RIMS2: variants seen among roughly 807,000 people sequenced by gnomAD.
RIMS2 encodes the protein regulating synaptic membrane exocytosis 2, also known as regulating synaptic membrane exocytosis protein 2.
A neutral mutation model predicts 174.4 loss-of-function variants in RIMS2; 59 were observed. The ratio of observed to expected loss-of-function variants is 0.34; its 90% confidence interval spans 0.27 to 0.42. The LOEUF (loss-of-function observed/expected upper bound fraction) is 0.42, where lower values mean the gene tolerates loss of function less well. Among genes scored for constraint, RIMS2 ranks in the 10% least tolerant of loss-of-function variants. The pLI is 1.00. For missense variants in RIMS2, 1,620 were observed against 1,666.3 expected (o/e 0.97, Z 0.48); for synonymous variants, 606 against 572.5 (o/e 1.06, Z -0.84).
chr8:103,612,633 C>T (rs2095409424), intron 1 of RIMS2, among the ~76,000 whole-genome samples: 1 of 152,148 alleles, frequency 6.6e-6, no homozygotes. Context: ...GGCTGGAGTG[C>T]AATGGTGCCA....
At chr8:104,123,940 G>A (rs888898436) in intron 19 of RIMS2, among the ~76,000 whole-genome samples, 4 of 152,098 alleles carry the variant, frequency 2.6e-5, no homozygotes, top group Non-Finnish European at 5.9e-5. Context: ...TGTCTGCCAT[G>A]TGCAATAAAG....
At chr8:104,225,366 A>G (rs2099180883) in intron 19 of RIMS2, among the ~76,000 whole-genome samples, 1 of 152,154 alleles carries the variant, frequency 6.6e-6, no homozygotes, top group South Asian at 2.1e-4. Context: ...TTATTTTCTT[A>G]TATTTGGCTA....
At chr8:103,997,829 AT>A (rs1248167309) in intron 17 of RIMS2, among the ~76,000 whole-genome samples, 5 of 151,438 alleles carry the variant, frequency 3.3e-5, no homozygotes, top group Admixed American at 6.6e-5. Context: ...CTCATTTATT[AT>A]TTCCTTCTTA....
chr8:103,977,662 A>G (rs777403278), intron 16 of RIMS2, among the ~76,000 whole-genome samples: 55 of 152,168 alleles, frequency 3.6e-4, no homozygotes, highest in Non-Finnish European at 5.3e-4. Context: ...ATAAAGGCTC[A>G]GTCCCACAAG....
At chr8:104,147,251 GCA>G (rs142744916) in intron 19 of RIMS2, among the ~76,000 whole-genome samples, 6 of 147,808 alleles carry the variant, frequency 4.1e-5, no homozygotes, top group Middle Eastern at 3.2e-3. Flanking sequence ...TCTCTCCCTC[GCA>G]CACACACACA....
chr8:104,052,837 A>C (rs886872639), intron 19 of RIMS2, among the ~76,000 whole-genome samples: 1 of 152,060 alleles, frequency 6.6e-6, no homozygotes, highest in African/African-American at 2.4e-5. Context: ...GGAATTAAAT[A>C]AAAAAACACT....
At chr8:103,749,784 T>A (rs2097863193) in intron 2 of RIMS2, among the ~76,000 whole-genome samples, 1 of 152,144 alleles carries the variant, frequency 6.6e-6, no homozygotes, top group Non-Finnish European at 1.5e-5. Flanking sequence ...GATCAGGTGA[T>A]TACATAAATG....
intron 1 of RIMS2, among the ~76,000 whole-genome samples, chr8:103,603,180 A>G (rs1289009082): frequency 3.2e-5 from 4 of 126,620 alleles, no homozygotes; most frequent in African/African-American, 1.2e-4. Flanking sequence ...CCAGAGTGTG[A>G]TATTCCCCTT....
chr8:104,020,770 T>C (rs113701077), intron 19 of RIMS2, among the ~76,000 whole-genome samples: 2,263 of 152,066 alleles, frequency 0.015, 53 homozygotes, highest in African/African-American at 0.051. Flanking sequence ...AGTTAAACAA[T>C]AATATAAAAG....
chr8:103,931,502 G>A, intron 12 of RIMS2, 109 bp downstream of exon 14: 1 of 702,156 alleles, frequency 1.4e-6, no homozygotes, highest in Non-Finnish European at 2.2e-6. Flanking sequence ...AGTGAGATAT[G>A]TGAAGTTTAA....
chr8:103,667,565 C>T (rs546883351), intron 1 of RIMS2, among the ~76,000 whole-genome samples: 1 of 152,272 alleles, frequency 6.6e-6, no homozygotes, highest in East Asian at 1.9e-4. Flanking sequence ...TTTCATCTTT[C>T]ATGTATCAAA....
intron 19 of RIMS2, among the ~76,000 whole-genome samples, chr8:104,242,987 G>C (rs1483362919): frequency 4.6e-5 from 7 of 152,128 alleles, no homozygotes; most frequent in Non-Finnish European, 1.0e-4. Flanking sequence ...AGCCTCCATT[G>C]ATGAGCCTTG....
intron 3 of RIMS2, among the ~76,000 whole-genome samples, chr8:103,770,624 T>C (rs1159360875): frequency 6.6e-6 from 1 of 152,096 alleles, no homozygotes; most frequent in East Asian, 1.9e-4. Flanking sequence ...TCAGAAAAAG[T>C]TTGCCAATCC....
intron 19 of RIMS2, among the ~76,000 whole-genome samples, chr8:104,237,951 A>T (rs1008664842): frequency 6.6e-6 from 1 of 152,274 alleles, no homozygotes; most frequent in South Asian, 2.1e-4. Context: ...AAATAAATAA[A>T]CATCTTTCAT....
chr8:103,739,064 A>G (rs932745096), intron 2 of RIMS2, among the ~76,000 whole-genome samples: 7 of 152,366 alleles, frequency 4.6e-5, no homozygotes, highest in South Asian at 2.1e-4. Flanking sequence ...ATGCGGCTAT[A>G]AAGACACATG....
chr8:104,100,963 TTATATAGTA>T (rs916751037), intron 19 of RIMS2, among the ~76,000 whole-genome samples: 3 of 125,708 alleles, frequency 2.4e-5, no homozygotes, highest in Middle Eastern at 7.5e-3. Flanking sequence ...ATATGATATA[TTATATAGTA>T]TATATGATAT....
intron 19 of RIMS2, among the ~76,000 whole-genome samples, chr8:104,156,319 T>A (rs1172483977): frequency 6.6e-6 from 1 of 152,146 alleles, no homozygotes; most frequent in Non-Finnish European, 1.5e-5. Context: ...CGGACAGGAA[T>A]TGGAAATGGT....
intron 1 of RIMS2, among the ~76,000 whole-genome samples, chr8:103,551,446 A>G (rs1169742656): frequency 6.6e-6 from 1 of 152,226 alleles, no homozygotes; most frequent in African/African-American, 2.4e-5. Flanking sequence ...GATGGGATGT[A>G]TCTCAAAATA....
chr8:104,228,161 T>C (rs1171803352), intron 19 of RIMS2, among the ~76,000 whole-genome samples: 1 of 151,884 alleles, frequency 6.6e-6, no homozygotes. Flanking sequence ...CCAAAGTAGC[T>C]GGGACTACAG....
Sources: allele counts gnomAD v4.1 joint callset (sites outside exome capture counted in the v4.1 genomes callset), GRCh38; gene constraint gnomAD v4.1.1; transcripts MANE v1.5; gene names NCBI Gene and HGNC (gene_info 2026-07-23, HGNC 2026-07-21).